Variants in WDPCP observed in about 807,000 individuals in gnomAD.
WDPCP encodes the protein WD repeat-containing and planar cell polarity effector protein fritz homolog.
Under a neutral mutation model 93.1 loss-of-function variants are expected in WDPCP, and 71 were observed. The observed-to-expected ratio is 0.76, with a 90% CI of 0.63 to 0.93. The LOEUF (loss-of-function observed/expected upper bound fraction) is 0.93, where lower values mean the gene tolerates loss of function less well. Among genes scored for constraint, WDPCP ranks in the 40% least tolerant of loss-of-function variants. The pLI is 0.00. For missense variants in WDPCP, 844 were observed against 887.4 expected (o/e 0.95, Z 0.62); for synonymous variants, 315 against 315.0 (o/e 1.00, Z 0.00).
In WDPCP at chr2:63,404,662, TAAGA is replaced by T. The variant is rs2105194923; in HGVS notation, c.826-9_826-6del. 1.9e-6 allele frequency: 3 copies of T among 1,613,952 alleles called. No homozygotes were observed. Among genetic ancestry groups the T allele is most frequent in the Non-Finnish European group, 2.5e-6 (3 of 1,179,944 alleles). On this transcript the variant is annotated splice_polypyrimidine_tract_variant and splice_region_variant and intron_variant, in intron 9 of 17. Transcript: ENST00000272321. ...TGTGCGGACAGAACTCAGAACCTGT[TAAGA>T]AATATATCAAGTACATTCAGATAAA... is the stretch of plus-strand genomic sequence containing the variant.
In WDPCP at chr2:63,569,850, T is replaced by C. The variant is rs78638435; in HGVS notation, c.75+18347A>G. ...GCCCTCAGAAAGGACTATCTGACTATATATAGCATTGAAAGTACCCCAATG... is the reference window on the plus strand; with the variant it reads ...GCCCTCAGAAAGGACTATCTGACTACATATAGCATTGAAAGTACCCCAATG... On this transcript the variant is annotated intron_variant, in intron 1 of 17. Coordinates refer to ENST00000272321, the MANE Select transcript of WDPCP (RefSeq NM_015910.7). Among the ~76,000 whole-genome samples the C allele has an allele frequency of 3.0e-3, 463 of 152,322 alleles. 4 individuals are homozygous for C. Among genetic ancestry groups the C allele is most frequent in the South Asian group, 7.9e-3 (38 of 4,822 alleles).
chr2:63,225,151 T>C (rs1240355180), intron 14 of WDPCP, among the ~76,000 whole-genome samples: 5 of 151,872 alleles, frequency 3.3e-5, no homozygotes, highest in Non-Finnish European at 7.4e-5. Context: ...CTGCAGTACA[T>C]ACATTTAACA....
intron 12 of WDPCP, among the ~76,000 whole-genome samples, chr2:63,324,018 T>C (rs1687331811): frequency 6.6e-6 from 1 of 152,054 alleles, no homozygotes; most frequent in Non-Finnish European, 1.5e-5. Context: ...CCTAAGCCAT[T>C]GGGACCAATT....
intron 1 of WDPCP, among the ~76,000 whole-genome samples, chr2:63,520,183 A>G (rs1468212599): frequency 1.3e-5 from 2 of 152,194 alleles, no homozygotes; most frequent in Non-Finnish European, 2.9e-5. Flanking sequence ...GACAAAAATA[A>G]AGAAAAAAGC....
chr2:63,516,081 G>A (rs1352292357), intron 1 of WDPCP, among the ~76,000 whole-genome samples: 3 of 151,612 alleles, frequency 2.0e-5, no homozygotes, highest in African/African-American at 7.3e-5. Flanking sequence ...TTTATAAAGT[G>A]GAAAAGTGAT....
At chr2:63,380,239 A>ATT (rs574035054) in intron 11 of WDPCP, among the ~76,000 whole-genome samples, 1 of 147,234 alleles carries the variant, frequency 6.8e-6, no homozygotes, top group Non-Finnish European at 1.5e-5. Context: ...TTTTTCTTTC[A>ATT]TTTTTTTTTT....
chr2:63,702,667 T>C (rs1400786900), intron 2 of WDPCP, among the ~76,000 whole-genome samples: 1 of 151,798 alleles, frequency 6.6e-6, no homozygotes, highest in East Asian at 1.9e-4. Flanking sequence ...GCCTTCCGAG[T>C]AGCTGGACTG....
At position 63,121,783 on chromosome 2, in the gene WDPCP, AAGT is replaced by A; in HGVS notation, c.*220_*222del. ...TTCAAAATTTTACATTATTGAAAAT[AAGT>A]AGGTTGAAGACTTTTACTTACGATC... On this transcript the variant is annotated 3_prime_UTR_variant, in exon 18 of 18. Coordinates refer to ENST00000272321, the MANE Select transcript of WDPCP (RefSeq NM_015910.7). 1 of 1,156,478 alleles carries A rather than the reference AAGT, an allele frequency of 8.6e-7. No individual in the cohort carries two copies. The highest frequency in any genetic ancestry group is 1.1e-6 in the Non-Finnish European group (1 of 870,094). 71.6% of individuals were successfully genotyped at this position (1,156,478 alleles called of 1,614,324 possible).
intron 2 of WDPCP, among the ~76,000 whole-genome samples, chr2:63,721,656 C>T (rs1261820415): frequency 6.6e-6 from 1 of 152,168 alleles, no homozygotes; most frequent in South Asian, 2.1e-4. Flanking sequence ...TCTGGGCCTT[C>T]CAGCAAGCCA....
chr2:63,303,214 G>C (rs1685463253), intron 13 of WDPCP, among the ~76,000 whole-genome samples: 1 of 152,132 alleles, frequency 6.6e-6, no homozygotes, highest in Non-Finnish European at 1.5e-5. Flanking sequence ...GCTTGTTCAA[G>C]GCCACATCCT....
intron 2 of WDPCP, among the ~76,000 whole-genome samples, chr2:63,679,114 C>G (rs1398928392): frequency 2.0e-5 from 3 of 152,234 alleles, no homozygotes; most frequent in Admixed American, 6.5e-5. Flanking sequence ...GCAGTTGACT[C>G]TGGCCTATAT....
At chr2:63,766,253 C>T (rs1033168573) in intron 2 of WDPCP, among the ~76,000 whole-genome samples, 6 of 152,050 alleles carry the variant, frequency 3.9e-5, no homozygotes, top group African/African-American at 1.4e-4. Flanking sequence ...ACATTACATA[C>T]ATATAAGTTT....
At chr2:63,257,878 G>T (rs1222257887) in intron 14 of WDPCP, among the ~76,000 whole-genome samples, 1 of 152,102 alleles carries the variant, frequency 6.6e-6, no homozygotes, top group Non-Finnish European at 1.5e-5. Flanking sequence ...GGAATAAAAG[G>T]CAGGGTACAG....
intron 3 of WDPCP, among the ~76,000 whole-genome samples, chr2:63,630,505 GA>G (rs1372331527): frequency 1.1e-4 from 16 of 151,728 alleles, no homozygotes; most frequent in Non-Finnish European, 2.2e-4. Flanking sequence ...CAGATAAAGA[GA>G]AAAAAACTCC....
At chr2:63,549,695 G>A (rs1289748916) in intron 1 of WDPCP, among the ~76,000 whole-genome samples, 1 of 152,184 alleles carries the variant, frequency 6.6e-6, no homozygotes, top group Non-Finnish European at 1.5e-5. Context: ...GAACCAGGGT[G>A]GCAGAGGTTG....
intron 17 of WDPCP, among the ~76,000 whole-genome samples, chr2:63,147,358 A>G (rs1157897232): frequency 2.0e-5 from 3 of 152,156 alleles, no homozygotes; most frequent in South Asian, 2.1e-4. Context: ...CTAAATTCCA[A>G]TGGTTATAGG....
chr2:63,301,791 C>CT (rs35225838), intron 13 of WDPCP, among the ~76,000 whole-genome samples: 458 of 144,732 alleles, frequency 3.2e-3, no homozygotes, highest in Middle Eastern at 0.015. Context: ...AAAGGGATGC[C>CT]TTTTTTTTTT....
At chr2:63,765,914 A>G (rs1298314704) in intron 2 of WDPCP, among the ~76,000 whole-genome samples, 1 of 152,228 alleles carries the variant, frequency 6.6e-6, no homozygotes, top group African/African-American at 2.4e-5. Context: ...GAAGAGCCAT[A>G]CATCTCTCAG....
At chr2:63,322,889 C>G (rs1175042819) in intron 12 of WDPCP, among the ~76,000 whole-genome samples, 1 of 152,208 alleles carries the variant, frequency 6.6e-6, no homozygotes, top group Non-Finnish European at 1.5e-5. Flanking sequence ...AATTCGGGGT[C>G]TAAATACCAG....
Sources: allele counts gnomAD v4.1 joint callset (sites outside exome capture counted in the v4.1 genomes callset), GRCh38; gene constraint gnomAD v4.1.1; transcripts MANE v1.5; gene names NCBI Gene and HGNC (gene_info 2026-07-23, HGNC 2026-07-21).